SYNE1: variants seen among roughly 807,000 people sequenced by gnomAD.
SYNE1 encodes the protein spectrin repeat containing nuclear envelope protein 1, also known as nesprin-1.
SYNE1 carries 616 observed loss-of-function variants against 1,111.0 expected under a neutral mutation model. The observed-to-expected ratio is 0.55, with a 90% confidence interval of 0.52 to 0.59. The LOEUF (loss-of-function observed/expected upper bound fraction) is 0.59, where lower values mean the gene tolerates loss of function less well. Among genes scored for constraint, SYNE1 ranks in the 20% least tolerant of loss-of-function variants. SYNE1 has a pLI of 0.00. For synonymous variants in SYNE1, 3,855 were observed against 3,825.8 expected, an observed-to-expected ratio of 1.01 and a Z score of -0.28; for missense variants, 10,006 against 10,417.0, an observed-to-expected ratio of 0.96 and a Z score of 1.72.
intron 5 of SYNE1, among the ~76,000 whole-genome samples, chr6:152,523,690 G>T (rs925168152): frequency 6.6e-6 from 1 of 152,028 alleles, no homozygotes; most frequent in African/African-American, 2.4e-5. Context: ...ATGAGTATGA[G>T]ATGTGTTTCC....
At chr6:152,209,701 G>C (rs1057343580) in intron 124 of SYNE1, among the ~76,000 whole-genome samples, 9 of 151,210 alleles carry the variant, frequency 6.0e-5, no homozygotes, top group African/African-American at 1.9e-4. Flanking sequence ...AGTGAGCCGA[G>C]ATAGCGCCAC....
intron 72 of SYNE1, among the ~76,000 whole-genome samples, chr6:152,348,203 G>A (rs747127908): frequency 8.6e-5 from 13 of 152,034 alleles, no homozygotes; most frequent in Non-Finnish European, 1.9e-4. Context: ...TGACGAATGT[G>A]TATTATCATT....
intron 126 of SYNE1, among the ~76,000 whole-genome samples, chr6:152,203,706 G>GC (rs556818746): frequency 4.6e-5 from 7 of 152,088 alleles, no homozygotes; most frequent in Non-Finnish European, 1.0e-4. Flanking sequence ...TGACTAAAGT[G>GC]CCCCCTTACT....
chr6:152,401,500 G>C (rs2097818050), intron 46 of SYNE1, among the ~76,000 whole-genome samples, 159 bp from the exon 47 acceptor site: 1 of 152,216 alleles, frequency 6.6e-6, no homozygotes, highest in Non-Finnish European at 1.5e-5. Flanking sequence ...AGGAAAATCA[G>C]TGGACACAGT....
intron 2 of SYNE1, among the ~76,000 whole-genome samples, chr6:152,630,460 G>A (rs1170476429): frequency 6.6e-6 from 1 of 152,156 alleles, no homozygotes; most frequent in Non-Finnish European, 1.5e-5. Context: ...GGAATTGTGT[G>A]CCCATTAGCA....
At position 152,330,033 on chromosome 6, in the gene SYNE1, C is replaced by T; in HGVS notation, c.14652G>A (p.Val4884=). 1 of 1,614,182 alleles carries T rather than the reference C, an allele frequency of 6.2e-7. No homozygotes were observed. The highest frequency in any genetic ancestry group is 8.5e-7 in the Non-Finnish European group (1 of 1,180,042). The change falls in exon 78 of 146, where the codon GTG becomes GTA. Residue 4884 remains valine (V), a synonymous_variant. Coordinates refer to ENST00000367255, the MANE Select transcript of SYNE1 (RefSeq NM_182961.4). ...TCTCAGTCTGGAAGTCTATACTCTG[C>T]ACCATTCGGCTCTCACATTCTGTCA... ...ETVTECESRM[V]QSIDFQTEMS...
intron 63 of SYNE1, among the ~76,000 whole-genome samples, chr6:152,363,953 T>C (rs2154074306): frequency 6.6e-6 from 1 of 152,318 alleles, no homozygotes; most frequent in South Asian, 2.1e-4. Flanking sequence ...ATAACATACC[T>C]GATATGGTTA....
intron 29 of SYNE1, 108 bp downstream of exon 29, chr6:152,447,350 A>C: frequency 7.9e-7 from 1 of 1,260,240 alleles, no homozygotes; most frequent in Non-Finnish European, 1.1e-6. Flanking sequence ...TTCTGTTTCA[A>C]CTATGGTTTC....
At chr6:152,470,288 G>T (rs932543776) in intron 16 of SYNE1, among the ~76,000 whole-genome samples, 4 of 152,144 alleles carry the variant, frequency 2.6e-5, no homozygotes, top group Non-Finnish European at 5.9e-5. Flanking sequence ...GTTTAAATCT[G>T]ATTGGCTGTT....
At chr6:152,545,633 T>C (rs931319339) in intron 3 of SYNE1, among the ~76,000 whole-genome samples, 7 of 152,096 alleles carry the variant, frequency 4.6e-5, no homozygotes, top group East Asian at 1.9e-4. Context: ...TTTACATAAT[T>C]ATATATAGGT....
At chr6:152,410,621 C>T (rs549125667) in intron 42 of SYNE1, among the ~76,000 whole-genome samples, 8 of 152,216 alleles carry the variant, frequency 5.3e-5, no homozygotes, top group Admixed American at 2.6e-4. Context: ...TGTAATCCTA[C>T]TTAGGAGGCT....
intron 4 of SYNE1, among the ~76,000 whole-genome samples, chr6:152,535,935 G>A (rs1488672326): frequency 1.3e-5 from 2 of 152,134 alleles, no homozygotes; most frequent in South Asian, 4.2e-4. Flanking sequence ...TGCCTAAAAT[G>A]CAAGGCCTAT....
In SYNE1 at chr6:152,332,856, G is replaced by T. The variant is rs147868036; in HGVS notation, c.12795-966C>A. On this transcript the variant is annotated intron_variant, in intron 77 of 145. Coordinates refer to ENST00000367255, the MANE Select transcript of SYNE1 (RefSeq NM_182961.4). ...TTTTTACTAAATGATCAGTTCTGAA[G>T]TATGAAAAGCAGGGTTGGGAGGCAG... Among the ~76,000 whole-genome samples the T allele has an allele frequency of 3.4e-3, 516 of 152,292 alleles. 3 individuals are homozygous for T. The highest frequency in any genetic ancestry group is 0.012 in the South Asian group (59 of 4,824).
chr6:152,142,386 T>C (rs1363401242), intron 138 of SYNE1, among the ~76,000 whole-genome samples: 1 of 152,202 alleles, frequency 6.6e-6, no homozygotes, highest in African/African-American at 2.4e-5. Flanking sequence ...TTGCATTAAA[T>C]AATTAAAATA....
At position 152,436,897 on chromosome 6, in the gene SYNE1, G is replaced by A. The variant is rs545019141; in HGVS notation, c.4150-796C>T. Among the ~76,000 whole-genome samples, 21 of 152,140 alleles carry A rather than the reference G, an allele frequency of 1.4e-4. No individual in the cohort carries two copies. In the South Asian group the frequency reaches 1.9e-3, roughly 14 times the overall value. ...TCAATGATCTTTGGCCAGGCATGAC[G>A]GCTCATGCCTTTAACTCCAGCATTT... is the stretch of plus-strand genomic sequence containing the variant. On this transcript the variant is annotated intron_variant, in intron 32 of 145. Transcript: ENST00000367255.
intron 3 of SYNE1, among the ~76,000 whole-genome samples, chr6:152,545,192 G>A (rs1474690760): frequency 6.6e-6 from 1 of 152,166 alleles, no homozygotes; most frequent in African/African-American, 2.4e-5. Flanking sequence ...AATGCATAAT[G>A]TATTTTCATC....
intron 59 of SYNE1, 126 bp from the exon 60 acceptor site, chr6:152,369,740 T>A (rs954521244): frequency 1.7e-6 from 2 of 1,182,516 alleles, no homozygotes; most frequent in East Asian, 2.5e-5. Flanking sequence ...CCCAGCACTT[T>A]GGGTGGCCGA....
At chr6:152,479,051 A>C (rs1316121238) in intron 14 of SYNE1, among the ~76,000 whole-genome samples, 1 of 152,204 alleles carries the variant, frequency 6.6e-6, no homozygotes, top group Admixed American at 6.5e-5. Context: ...TATAGGGCAC[A>C]GAGGAGATGA....
chr6:152,621,331 G>A (rs1252288698), intron 3 of SYNE1, among the ~76,000 whole-genome samples: 2 of 152,180 alleles, frequency 1.3e-5, no homozygotes, highest in Non-Finnish European at 2.9e-5. Context: ...TACATCATAA[G>A]AGTAACAAAA....
Sources: gnomAD v4.1 joint callset for allele counts (sites outside exome capture counted in the v4.1 genomes callset) on GRCh38, gnomAD v4.1.1 for gene constraint, MANE v1.5 for transcripts, NCBI Gene and HGNC (gene_info 2026-07-23, HGNC 2026-07-21) for gene names.